Variants in ANKRD13C observed in about 807,000 individuals in gnomAD.
The protein encoded by ANKRD13C is ankyrin repeat domain 13C, also known as ankyrin repeat domain-containing protein 13C.
In ANKRD13C, 16 loss-of-function variants were observed where a neutral mutation model predicts 65.5. The ratio of observed to expected loss-of-function variants is 0.24; its 90% CI spans 0.17 to 0.37. ANKRD13C has a LOEUF of 0.37. Among genes scored for constraint, ANKRD13C ranks in the 10% least tolerant of loss-of-function variants. ANKRD13C has a pLI of 1.00. For synonymous variants in ANKRD13C, 235 were observed against 238.7 expected (o/e 0.98, Z 0.14); for missense variants, 503 against 655.9 (o/e 0.77, Z 2.55).
chr1:70,278,779 G>A (rs1201520933), intron 9 of ANKRD13C, among the ~76,000 whole-genome samples: 2 of 152,084 alleles, frequency 1.3e-5, no homozygotes, highest in Non-Finnish European at 2.9e-5. Flanking sequence ...TAGAATCCCA[G>A]CTCCAATACC....
intron 9 of ANKRD13C, 123 bp from the exon 10 acceptor site, chr1:70,276,967 T>TCTGTC: frequency 1.3e-6 from 1 of 745,026 alleles, no homozygotes; most frequent in Non-Finnish European, 2.1e-6. Flanking sequence ...CTCTTCAATA[T>TCTGTC]AATACTTGAA....
At chr1:70,280,302 G>A (rs1558267679) in intron 9 of ANKRD13C, among the ~76,000 whole-genome samples, 1 of 152,162 alleles carries the variant, frequency 6.6e-6, no homozygotes, top group African/African-American at 2.4e-5. Flanking sequence ...GACGTGGACT[G>A]GTTGACTCCT....
chr1:70,288,048 T>C lies in ANKRD13C; in HGVS notation c.1215+4340A>G, dbSNP rs1047668502. On this transcript the variant is annotated intron_variant, in intron 9 of 12. Coordinates refer to ENST00000370944, the MANE Select transcript of ANKRD13C (RefSeq NM_030816.5). Reference sequence around the variant, plus strand: ...AACAACAACTTTGAAAACTCAACAGTAATGAAAAAAAGAAAATCCAATTAG... The same window carrying C: ...AACAACAACTTTGAAAACTCAACAGCAATGAAAAAAAGAAAATCCAATTAG... Among the ~76,000 whole-genome samples the C allele has an allele frequency of 4.9e-4, 74 of 151,578 alleles. 1 individual carries two copies. Among genetic ancestry groups the C allele is most frequent in the African/African-American group, 1.7e-3 (71 of 41,314 alleles).
intron 2 of ANKRD13C, among the ~76,000 whole-genome samples, chr1:70,330,574 C>CAAAAAAAAAAAAAAAAAAAAAAAAAAACA (rs71071394): frequency 1.5e-5 from 1 of 68,390 alleles, no homozygotes; most frequent in Non-Finnish European, 2.8e-5. Context: ...ACAAACAAAC[C>CAAAAAAAAAAAAAAAAAAAAAAAAAAACA]AAAAAAAAAA....
chr1:70,324,725 C>A, intron 3 of ANKRD13C, 128 bp downstream of exon 3: 1 of 556,204 alleles, frequency 1.8e-6, no homozygotes, highest in East Asian at 3.1e-5. Flanking sequence ...ATGAATAATT[C>A]ACATGTAAGT....
chr1:70,354,508 C>G lies in ANKRD13C; in HGVS notation c.-100G>C, dbSNP rs1682914041. 1.4e-6 allele frequency: 2 copies of G among 1,461,998 alleles called. No homozygotes were observed. The highest frequency in any genetic ancestry group is 1.4e-5 in the South Asian group (1 of 70,418). 90.6% of individuals were successfully genotyped at this position (1,461,998 alleles called of 1,614,324 possible). A position where few individuals can be genotyped will look rare whatever the true frequency, so the allele number is the denominator to read the frequency against. On this transcript the variant is annotated 5_prime_UTR_variant, in exon 1 of 13. Transcript: ENST00000370944. ...GGCGATTAGAGCGGTGGCCAAGAGC[C>G]TCCAGCGCAGCATGAACTCCCACTG...
At chr1:70,271,770 C>A (rs913249869) in intron 11 of ANKRD13C, among the ~76,000 whole-genome samples, 2 of 152,122 alleles carry the variant, frequency 1.3e-5, no homozygotes, top group South Asian at 2.1e-4. Context: ...CTAATGTCAT[C>A]CTATAGATTT....
chr1:70,336,018 T>C (rs1435771335), intron 2 of ANKRD13C, 40 bp downstream of exon 2: 2 of 665,020 alleles, frequency 3.0e-6, no homozygotes, highest in Non-Finnish European at 4.5e-6. Context: ...TGACTATATA[T>C]AAATGAAGTT....
chr1:70,262,561 T>C lies in ANKRD13C; in HGVS notation c.*156A>G, dbSNP rs1365864034. 2.7e-6 allele frequency: 2 copies of C among 743,746 alleles called. No individual in the cohort carries two copies. Among genetic ancestry groups the C allele is most frequent in the Middle Eastern group, 2.6e-4 (1 of 3,786 alleles). 46.1% of individuals were successfully genotyped at this position (743,746 alleles called of 1,614,324 possible). Reference sequence around the variant, plus strand: ...ATCAGAAAACTCGCTGAAATTCTTATTAGAGGCCCATTTCACTGTATCGTA... The same window carrying C: ...ATCAGAAAACTCGCTGAAATTCTTACTAGAGGCCCATTTCACTGTATCGTA... On this transcript the variant is annotated 3_prime_UTR_variant, in exon 13 of 13. Transcript: ENST00000370944.
intron 5 of ANKRD13C, among the ~76,000 whole-genome samples, chr1:70,309,420 A>G (rs1680739228): frequency 6.7e-6 from 1 of 150,328 alleles, no homozygotes; most frequent in Non-Finnish European, 1.5e-5. Context: ...TTTTCTATCT[A>G]TAATATACAA....
chr1:70,329,563 T>C (rs1452504788), intron 2 of ANKRD13C, among the ~76,000 whole-genome samples: 13 of 151,478 alleles, frequency 8.6e-5, no homozygotes, highest in Non-Finnish European at 1.9e-4. Flanking sequence ...ACTATAAAAA[T>C]ATTAAAAAGC....
Position 70,260,062 on chromosome 1 carries a change from T to C in ANKRD13C, c.*2655A>G, listed in dbSNP as rs962039217. 6.6e-6 allele frequency among the ~76,000 whole-genome samples: 1 copy of C among 152,176 alleles called. No individual in the cohort carries two copies. The highest frequency in any genetic ancestry group is 6.5e-5 in the Admixed American group (1 of 15,274). The stretch of plus-strand genomic sequence containing the variant: ...AATAAACTGTATGTGAATACTACTA[T>C]AAAAACCCATTTTTATTAGCATGAG... On this transcript the variant is annotated 3_prime_UTR_variant, in exon 13 of 13. Transcript: ENST00000370944.
intron 2 of ANKRD13C, among the ~76,000 whole-genome samples, chr1:70,326,696 G>A (rs1240820788): frequency 6.6e-6 from 1 of 152,048 alleles, no homozygotes; most frequent in Non-Finnish European, 1.5e-5. Flanking sequence ...TGGAAACAAA[G>A]TGAATGTCCA....
intron 8 of ANKRD13C, among the ~76,000 whole-genome samples, chr1:70,295,058 C>A (rs995658668): frequency 3.9e-5 from 6 of 151,950 alleles, no homozygotes; most frequent in Non-Finnish European, 8.8e-5. Flanking sequence ...TCTCAGAGAA[C>A]CCTAATAATG....
intron 1 of ANKRD13C, among the ~76,000 whole-genome samples, chr1:70,344,295 C>CAAA (rs1169730172): frequency 4.7e-5 from 4 of 85,652 alleles, no homozygotes; most frequent in African/African-American, 1.8e-4. Flanking sequence ...GATTCCATCT[C>CAAA]AAAAAAAAAA....
chr1:70,342,000 C>T (rs1231986567), intron 1 of ANKRD13C, among the ~76,000 whole-genome samples: 1 of 151,570 alleles, frequency 6.6e-6, no homozygotes, highest in Non-Finnish European at 1.5e-5. Flanking sequence ...TTGCTAATTA[C>T]ATGTGTATGG....
At chr1:70,263,167 T>C (rs1678461040) in intron 12 of ANKRD13C, among the ~76,000 whole-genome samples, 1 of 152,294 alleles carries the variant, frequency 6.6e-6, no homozygotes, top group Middle Eastern at 3.4e-3. Context: ...GAGGGACAGC[T>C]ACTTTTGTGC....
chr1:70,335,915 C>A, intron 2 of ANKRD13C, 143 bp downstream of exon 2: 1 of 244,678 alleles, frequency 4.1e-6, no homozygotes, highest in Non-Finnish European at 8.1e-6. Context: ...AAAATATTTA[C>A]TAATTTCAAT....
intron 9 of ANKRD13C, among the ~76,000 whole-genome samples, chr1:70,284,571 T>C (rs1028991134): frequency 6.6e-6 from 1 of 152,168 alleles, no homozygotes; most frequent in Non-Finnish European, 1.5e-5. Context: ...AAGAAGAAAC[T>C]ATAACAAAGA....
Sources: allele counts gnomAD v4.1 joint callset (sites outside exome capture counted in the v4.1 genomes callset), GRCh38; gene constraint gnomAD v4.1.1; transcripts MANE v1.5; gene names NCBI Gene and HGNC (gene_info 2026-07-23, HGNC 2026-07-21).